The following ZMAT4 variants were observed in gnomAD, a reference collection of about 807,000 sequenced individuals.
ZMAT4 encodes the protein zinc finger matrin-type 4.
In ZMAT4, 17 loss-of-function variants were observed where a neutral mutation model predicts 28.7. That is an observed-to-expected ratio of 0.59 (90% CI 0.41 to 0.89). The LOEUF (loss-of-function observed/expected upper bound fraction) is 0.89, where lower values mean the gene tolerates loss of function less well. ZMAT4 is among the 40% of genes least tolerant of loss of function. ZMAT4 has a pLI of 0.00. For synonymous variants in ZMAT4, 117 were observed against 109.2 expected (o/e 1.07, Z -0.44); for missense variants, 240 against 283.8 (o/e 0.85, Z 1.11).
chr8:40,542,119 T>C (rs1803055552), intron 6 of ZMAT4, among the ~76,000 whole-genome samples: 1 of 151,830 alleles, frequency 6.6e-6, no homozygotes, highest in African/African-American at 2.4e-5. Flanking sequence ...ACAGAAGTGG[T>C]GAAGTTTGAA....
At chr8:40,675,386 G>A (rs184177907) in intron 4 of ZMAT4, among the ~76,000 whole-genome samples, 1 of 151,646 alleles carries the variant, frequency 6.6e-6, no homozygotes, top group African/African-American at 2.4e-5. Context: ...GTAAAATACA[G>A]GGGACAAGCT....
chr8:40,601,642 A>AAAGCAGGCAGGCAGGC (rs1805371983), intron 5 of ZMAT4, among the ~76,000 whole-genome samples: 2 of 40,098 alleles, frequency 5.0e-5, no homozygotes, highest in Non-Finnish European at 1.1e-4. Flanking sequence ...AAGAGAAAGA[A>AAAGCAGGCAGGCAGGC]AGAAAGAAAG....
intron 5 of ZMAT4, among the ~76,000 whole-genome samples, chr8:40,612,421 A>G (rs1442424064): frequency 8.0e-5 from 11 of 137,126 alleles, no homozygotes; most frequent in Admixed American, 6.6e-4. Flanking sequence ...AACCCATCCA[A>G]ATTTCCTTTA....
intron 3 of ZMAT4, among the ~76,000 whole-genome samples, chr8:40,737,022 C>A (rs555562454): frequency 6.6e-6 from 1 of 152,262 alleles, no homozygotes; most frequent in South Asian, 2.1e-4. Context: ...AGCATTTGGG[C>A]ACAGAGGTCC....
At position 40,764,517 on chromosome 8, in the gene ZMAT4, G is replaced by A. The variant is rs566259450; in HGVS notation, c.192+3124C>T. 1.2e-3 allele frequency among the ~76,000 whole-genome samples: 187 copies of A among 151,786 alleles called. 2 individuals are homozygous for A. The highest frequency in any genetic ancestry group is 4.4e-3 in the African/African-American group (182 of 41,312). The stretch of plus-strand genomic sequence containing the variant: ...GGGAGCAGGGTTCATACATGGTCAG[G>A]GTGTGGGAAATCAGGAACACATTTT... On this transcript the variant is annotated intron_variant, in intron 3 of 6. Coordinates refer to ENST00000297737, the MANE Select transcript of ZMAT4 (RefSeq NM_024645.3).
Position 40,776,582 on chromosome 8 carries a change from A to T in ZMAT4, c.103-8852T>A, listed in dbSNP as rs895337724. Among the ~76,000 whole-genome samples, 83 of 152,320 alleles carry T rather than the reference A, an allele frequency of 5.4e-4. 1 individual carries two copies. Among genetic ancestry groups the T allele is most frequent in the Middle Eastern group, 3.4e-3 (1 of 294 alleles). ...AACAGAGTCACATGAGAAATAAAAG[A>T]ACACAGGCTCATCTAGGCTTCTCTT... On this transcript the variant is annotated intron_variant, in intron 2 of 6. Coordinates refer to ENST00000297737, the MANE Select transcript of ZMAT4 (RefSeq NM_024645.3).
At chr8:40,776,925 CTTT>C (rs36090424) in intron 2 of ZMAT4, among the ~76,000 whole-genome samples, 3 of 141,326 alleles carry the variant, frequency 2.1e-5, no homozygotes, top group Non-Finnish European at 1.6e-5. Context: ...CGATTTCTTT[CTTT>C]TTTTTTTTTT....
chr8:40,568,291 C>T (rs1207672160), intron 6 of ZMAT4, among the ~76,000 whole-genome samples: 1 of 152,056 alleles, frequency 6.6e-6, no homozygotes, highest in Non-Finnish European at 1.5e-5. Context: ...AACATTTCTT[C>T]CGAGAGTGCA....
chr8:40,655,825 G>A (rs765725622), intron 5 of ZMAT4, among the ~76,000 whole-genome samples: 2 of 152,016 alleles, frequency 1.3e-5, no homozygotes, highest in South Asian at 2.1e-4. Flanking sequence ...AGACATAAAT[G>A]TAAGAAGTAA....
chr8:40,745,424 C>G (rs1812177298), intron 3 of ZMAT4, among the ~76,000 whole-genome samples: 1 of 152,306 alleles, frequency 6.6e-6, no homozygotes, highest in South Asian at 2.1e-4. Context: ...ATCCTCCCCA[C>G]ACTCAGAAAA....
intron 3 of ZMAT4, among the ~76,000 whole-genome samples, chr8:40,714,793 G>A (rs1428426661): frequency 6.6e-6 from 1 of 152,166 alleles, no homozygotes; most frequent in African/African-American, 2.4e-5. Context: ...GCTCACGCCT[G>A]TAATCCCAGC....
intron 3 of ZMAT4, among the ~76,000 whole-genome samples, chr8:40,739,742 T>C (rs1811922672): frequency 6.6e-6 from 1 of 152,180 alleles, no homozygotes; most frequent in South Asian, 2.1e-4. Flanking sequence ...ACCCTTCGTG[T>C]AGGTTTTAAG....
chr8:40,597,500 C>T (rs1471953492), intron 5 of ZMAT4, among the ~76,000 whole-genome samples: 2 of 152,174 alleles, frequency 1.3e-5, no homozygotes, highest in Admixed American at 1.3e-4. Flanking sequence ...TTGAATGTCA[C>T]CTTTGTGAAG....
In ZMAT4 at chr8:40,690,611, G is replaced by A. The variant is rs533874156; in HGVS notation, c.349+6634C>T. On this transcript the variant is annotated intron_variant, in intron 4 of 6. Coordinates refer to ENST00000297737, the MANE Select transcript of ZMAT4 (RefSeq NM_024645.3). The stretch of plus-strand genomic sequence containing the variant: ...TGATTCAGATGAAATAACTGCTATG[G>A]TGTATGAAATCTTATATGCAAATAT... Among the ~76,000 whole-genome samples the A allele has an allele frequency of 2.6e-5, 4 of 152,198 alleles. No individual in the cohort carries two copies. In the South Asian group the frequency reaches 6.2e-4, roughly 24 times the overall value.
chr8:40,766,134 A>G (rs776102922), intron 3 of ZMAT4, among the ~76,000 whole-genome samples: 111 of 151,978 alleles, frequency 7.3e-4, no homozygotes, highest in Middle Eastern at 6.8e-3. Context: ...TCAAATGCCA[A>G]CTCTTCAGGA....
intron 5 of ZMAT4, among the ~76,000 whole-genome samples, chr8:40,657,204 TG>T (rs1372792167): frequency 2.6e-5 from 4 of 152,104 alleles, no homozygotes; most frequent in Non-Finnish European, 5.9e-5. Flanking sequence ...AAAAATCGTA[TG>T]TATTTTAAAG....
intron 5 of ZMAT4, among the ~76,000 whole-genome samples, chr8:40,625,585 T>C (rs1806345392): frequency 6.6e-6 from 1 of 152,102 alleles, no homozygotes; most frequent in Admixed American, 6.5e-5. Flanking sequence ...GATCATCACT[T>C]ACACAGCTTT....
At chr8:40,881,623 A>G (rs1013017209) in intron 1 of ZMAT4, among the ~76,000 whole-genome samples, 1 of 151,660 alleles carries the variant, frequency 6.6e-6, no homozygotes, top group African/African-American at 2.4e-5. Flanking sequence ...GAGAGAGAGA[A>G]AGAAAGAATA....
intron 2 of ZMAT4, among the ~76,000 whole-genome samples, chr8:40,785,817 C>A (rs1814048440): frequency 6.6e-6 from 1 of 152,296 alleles, no homozygotes; most frequent in East Asian, 1.9e-4. Flanking sequence ...ATGCATAACC[C>A]TTTCCCTCCC....
Sources: gnomAD v4.1 joint callset for allele counts (sites outside exome capture counted in the v4.1 genomes callset) on GRCh38, gnomAD v4.1.1 for gene constraint, MANE v1.5 for transcripts, NCBI Gene and HGNC (gene_info 2026-07-23, HGNC 2026-07-21) for gene names.